The following ISM1 variants were observed in gnomAD, a reference collection of about 807,000 sequenced individuals.
ISM1 encodes isthmin 1.
ISM1 carries 25 observed loss-of-function variants against 46.3 expected under a neutral mutation model. That is an observed-to-expected ratio of 0.54 (90% confidence interval 0.39 to 0.75). The LOEUF (loss-of-function observed/expected upper bound fraction) is 0.75. Ranked by LOEUF, ISM1 falls within the 30% of genes least tolerant of loss-of-function variation. ISM1 has a pLI of 0.00. For synonymous variants in ISM1, 255 were observed against 256.7 expected, an observed-to-expected ratio of 0.99 and a Z score of 0.06; for missense variants, 536 against 625.4, an observed-to-expected ratio of 0.86 and a Z score of 1.52.
intron 4 of ISM1, among the ~76,000 whole-genome samples, chr20:13,290,727 A>T (rs997807586): frequency 5.9e-5 from 9 of 152,356 alleles, no homozygotes; most frequent in African/African-American, 1.9e-4. Context: ...ATGATGATGA[A>T]GAAGATTTTT....
At chr20:13,298,762 G>T (rs1275822499) in intron 5 of ISM1, among the ~76,000 whole-genome samples, 180 bp from the exon 6 acceptor site, 1 of 152,134 alleles carries the variant, frequency 6.6e-6, no homozygotes, top group East Asian at 1.9e-4. Flanking sequence ...ACTTCTGATG[G>T]TGCCAGGGGG....
chr20:13,288,031 T>C (rs755055006), intron 3 of ISM1, among the ~76,000 whole-genome samples: 7 of 152,294 alleles, frequency 4.6e-5, no homozygotes, highest in Non-Finnish European at 8.8e-5. Flanking sequence ...TCTCTGTCCA[T>C]GTGATGTCCC....
chr20:13,321,968 C>T, the ISM1 span, among the ~76,000 whole-genome samples: 1,671 of 152,188 alleles, frequency 0.011, 14 homozygotes, highest in Non-Finnish European at 0.018. Context: ...ATGATCATAA[C>T]GATACTGTTG....
intron 3 of ISM1, among the ~76,000 whole-genome samples, chr20:13,282,216 C>T (rs953140481): frequency 1.3e-5 from 2 of 152,048 alleles, no homozygotes; most frequent in Admixed American, 6.6e-5. Context: ...AATATGGGTC[C>T]CAGGCATCGT....
At chr20:13,305,186 A>G (rs2040490081), downstream of ISM1, among the ~76,000 whole-genome samples, 1 of 137,738 alleles carries the variant, frequency 7.3e-6, no homozygotes, top group Non-Finnish European at 1.5e-5. Flanking sequence ...AGATTTTAAT[A>G]CCGTTGAGTT....
At chr20:13,229,428 C>G (rs2039564135) in intron 1 of ISM1, among the ~76,000 whole-genome samples, 1 of 152,144 alleles carries the variant, frequency 6.6e-6, no homozygotes, top group South Asian at 2.1e-4. Flanking sequence ...GTACTTTTTG[C>G]ATTTTTCCAT....
chr20:13,250,898 C>T (rs2039861760), intron 1 of ISM1, among the ~76,000 whole-genome samples: 1 of 152,174 alleles, frequency 6.6e-6, no homozygotes, highest in South Asian at 2.1e-4. Flanking sequence ...CATTCTAGGT[C>T]TCCTTTGCCC....
chr20:13,263,545 G>A (rs1376344058), intron 1 of ISM1, among the ~76,000 whole-genome samples: 3 of 152,064 alleles, frequency 2.0e-5, no homozygotes, highest in South Asian at 2.1e-4. Flanking sequence ...TCTTCAAATG[G>A]CAAAACTTTT....
In ISM1 at chr20:13,244,952, G is replaced by A. The variant is rs549293387; in HGVS notation, c.138+23038G>A. 4.6e-5 allele frequency among the ~76,000 whole-genome samples: 7 copies of A among 152,312 alleles called. No individual in the cohort carries two copies. The East Asian group carries it at 5.8e-4, about 13-fold the overall frequency. ...TTCTTTAATCAACCTTGGAAACAATGAAAGAAAGGAGTGGTGGAGAGGTTT... is the reference window on the plus strand; with the variant it reads ...TTCTTTAATCAACCTTGGAAACAATAAAAGAAAGGAGTGGTGGAGAGGTTT... On this transcript the variant is annotated intron_variant, in intron 1 of 5. Transcript: ENST00000262487.
At chr20:13,270,124 G>A (rs902617629) in intron 1 of ISM1, among the ~76,000 whole-genome samples, 5 of 152,226 alleles carry the variant, frequency 3.3e-5, no homozygotes, top group Non-Finnish European at 5.9e-5. Flanking sequence ...CTGGACACTA[G>A]AGCTATAACT....
the ISM1 span, among the ~76,000 whole-genome samples, chr20:13,309,466 A>G: frequency 6.6e-6 from 1 of 152,208 alleles, no homozygotes; most frequent in Non-Finnish European, 1.5e-5. Context: ...AGCTAACATC[A>G]TACTCATCAG....
chr20:13,264,410 G>A (rs1227427280), intron 1 of ISM1, among the ~76,000 whole-genome samples: 4 of 152,198 alleles, frequency 2.6e-5, no homozygotes. Flanking sequence ...TAGGGCAGGT[G>A]GCTATTTGCA....
At position 13,298,910 on chromosome 20, in the gene ISM1, C is replaced by T. The variant is rs554517627; in HGVS notation, c.878-32C>T. 105 of 1,604,900 alleles carry T rather than the reference C, an allele frequency of 6.5e-5. 1 individual carries two copies. In the South Asian group the frequency reaches 1.0e-3, roughly 15 times the overall value. On this transcript the variant is annotated intron_variant, in intron 5 of 5. Coordinates refer to ENST00000262487, the MANE Select transcript of ISM1 (RefSeq NM_080826.2). ...ACCTCCTGTGGGCCGGTTGTACACG[C>T]GGTGAGAGGGTTTCTCTTTGGCCTT...
chr20:13,264,061 G>C (rs375233017), intron 1 of ISM1, among the ~76,000 whole-genome samples: 1 of 152,004 alleles, frequency 6.6e-6, no homozygotes, highest in African/African-American at 2.4e-5. Context: ...CTAGGCCCTC[G>C]TTACCCAATG....
intron 1 of ISM1, among the ~76,000 whole-genome samples, chr20:13,243,770 A>C (rs1442786949): frequency 6.6e-6 from 1 of 152,222 alleles, no homozygotes; most frequent in East Asian, 1.9e-4. Flanking sequence ...CTATCCATTA[A>C]CTAATCAGCA....
the ISM1 span, among the ~76,000 whole-genome samples, chr20:13,322,780 G>A: frequency 2.6e-5 from 4 of 152,112 alleles, no homozygotes; most frequent in African/African-American, 9.7e-5. Flanking sequence ...GGAAGTCCCC[G>A]AGATCAAAGC....
intron 2 of ISM1, among the ~76,000 whole-genome samples, chr20:13,277,657 T>TA (rs2040195450): frequency 7.0e-6 from 1 of 142,622 alleles, no homozygotes; most frequent in African/African-American, 2.7e-5. Context: ...TTTTTTTTTT[T>TA]ACTTTTGGGA....
At chr20:13,319,064 T>C in the ISM1 span, among the ~76,000 whole-genome samples, 6 of 152,182 alleles carry the variant, frequency 3.9e-5, no homozygotes, top group African/African-American at 1.2e-4. Flanking sequence ...TTGTAACAAA[T>C]GCATGACTCT....
intron 1 of ISM1, among the ~76,000 whole-genome samples, chr20:13,247,791 A>AAGGTCAGTGAAGT (rs2039817293): frequency 6.6e-6 from 1 of 152,140 alleles, no homozygotes; most frequent in Admixed American, 6.5e-5. Flanking sequence ...GTATTGACAT[A>AAGGTCAGTGAAGT]AGGTAGTGAA....
Sources: gnomAD v4.1 joint callset for allele counts (sites outside exome capture counted in the v4.1 genomes callset) on GRCh38, gnomAD v4.1.1 for gene constraint, MANE v1.5 for transcripts, NCBI Gene and HGNC (gene_info 2026-07-23, HGNC 2026-07-21) for gene names.